Variants in COL22A1 observed in about 807,000 individuals in gnomAD.
The protein encoded by COL22A1 is collagen alpha-1(XXII) chain.
COL22A1 carries 221 observed loss-of-function variants against 248.9 expected under a neutral mutation model. The observed-to-expected ratio is 0.89, with a 90% confidence interval of 0.80 to 0.99. The LOEUF is 0.99. Among genes scored for constraint, COL22A1 ranks in the 50% least tolerant of loss-of-function variants. The pLI, the probability that COL22A1 is intolerant of heterozygous loss-of-function variation, is 0.00. For missense variants in COL22A1, 2,240 were observed against 2,179.0 expected (o/e 1.03, Z -0.56); for synonymous variants, 891 against 793.4 (o/e 1.12, Z -2.07).
chr8:138,691,350 C>T (rs939402182), intron 35 of COL22A1, among the ~76,000 whole-genome samples: 5 of 141,842 alleles, frequency 3.5e-5, no homozygotes, highest in African/African-American at 1.1e-4. Flanking sequence ...CGTGTGTGCA[C>T]GTTTGTGGAG....
At chr8:138,792,982 C>G (rs1376887011) in intron 12 of COL22A1, among the ~76,000 whole-genome samples, 1 of 152,214 alleles carries the variant, frequency 6.6e-6, no homozygotes, top group Admixed American at 6.5e-5. Context: ...ACAGCATTGC[C>G]TTCCCTGAAA....
rs1341473959 is a variant in COL22A1 at position 138,725,254 on chromosome 8, C to T, written c.2193+133G>A. The T allele has an allele frequency of 5.4e-6, 5 of 926,036 alleles. No individual in the cohort carries two copies. The Admixed American group carries it at 8.6e-5, about 16-fold the overall frequency. The allele number at this position is 926,036 out of a possible 1,614,324, so 57.4% of individuals were successfully genotyped here. On this transcript the variant is annotated intron_variant, in intron 24 of 64. Transcript: ENST00000303045. ...AGCTGGCGGTTCTACGTGTCGGGGT[C>T]CTCCTGTGTGTGTTTTTGCACTGGA...
intron 54 of COL22A1, 94 bp downstream of exon 54, chr8:138,616,820 C>T: frequency 7.0e-7 from 1 of 1,429,298 alleles, no homozygotes; most frequent in Non-Finnish European, 9.8e-7. Context: ...TCGGGTAAGG[C>T]ACTGCCATGG....
intron 3 of COL22A1, among the ~76,000 whole-genome samples, chr8:138,846,645 G>A (rs1297559414): frequency 6.6e-6 from 1 of 152,186 alleles, no homozygotes; most frequent in Admixed American, 6.5e-5. Flanking sequence ...GGGTCCACCT[G>A]CTTGGCAAGG....
intron 41 of COL22A1, among the ~76,000 whole-genome samples, chr8:138,671,715 G>T (rs1486487666): frequency 6.6e-6 from 1 of 152,218 alleles, no homozygotes; most frequent in Non-Finnish European, 1.5e-5. Context: ...ACAAGAAAAA[G>T]CTGAATGGCT....
intron 22 of COL22A1, among the ~76,000 whole-genome samples, chr8:138,740,391 C>G (rs562311481): frequency 6.6e-6 from 1 of 152,128 alleles, no homozygotes; most frequent in Non-Finnish European, 1.5e-5. Context: ...CCGTTGTGGT[C>G]GGGGGATGAA....
Position 138,751,438 on chromosome 8 carries a change from A to G in COL22A1, c.2085+20T>C, listed in dbSNP as rs748432803. The G allele has an allele frequency of 6.3e-7, 1 of 1,595,656 alleles. No homozygotes were observed. Among genetic ancestry groups the G allele is most frequent in the South Asian group, 1.1e-5 (1 of 89,234 alleles). On this transcript the variant is annotated intron_variant, in intron 22 of 64. Transcript: ENST00000303045. ...GTGTGGGTGAGCTGAGGAATCACAA[A>G]GAAAAGAGAGTTTACTTACTCGGAG...
chr8:138,845,132 A>G (rs1197560629), intron 3 of COL22A1, among the ~76,000 whole-genome samples: 3 of 152,212 alleles, frequency 2.0e-5, no homozygotes, highest in Non-Finnish European at 4.4e-5. Context: ...ACTCAGTTAT[A>G]CAAAAGCAAT....
At chr8:138,678,029 T>C (rs2130812977) in intron 40 of COL22A1, among the ~76,000 whole-genome samples, 1 of 152,384 alleles carries the variant, frequency 6.6e-6, no homozygotes, top group Non-Finnish European at 1.5e-5. Flanking sequence ...TAGGTTATTG[T>C]GCATTACAAA....
intron 10 of COL22A1, among the ~76,000 whole-genome samples, chr8:138,805,357 TG>T (rs1157057453): frequency 7.3e-6 from 1 of 137,568 alleles, no homozygotes; most frequent in Non-Finnish European, 1.6e-5. Flanking sequence ...GGATGTGTGA[TG>T]GTGTGCATGG....
At chr8:138,901,728 A>C (rs1270158652) in intron 1 of COL22A1, among the ~76,000 whole-genome samples, 1 of 151,898 alleles carries the variant, frequency 6.6e-6, no homozygotes, top group Non-Finnish European at 1.5e-5. Flanking sequence ...GATCGTTAAG[A>C]CTCATGGACA....
rs775385381 is a variant in COL22A1, at chr8:138,716,873, A to C, written c.2356-4T>G. ...GGCCCTGCTCCCCAATTTCTCCCTG[A>C]AAATGCAATAAAACATACCCCATTA... On this transcript the variant is annotated splice_region_variant and splice_polypyrimidine_tract_variant and intron_variant, in intron 27 of 64. Transcript: ENST00000303045. The C allele has an allele frequency of 4.4e-6, 7 of 1,607,284 alleles. No homozygotes were observed. The highest frequency in any genetic ancestry group is 6.0e-6 in the Non-Finnish European group (7 of 1,173,730).
At chr8:138,637,691 C>T (rs1268773423) in intron 47 of COL22A1, among the ~76,000 whole-genome samples, 1 of 152,156 alleles carries the variant, frequency 6.6e-6, no homozygotes, top group African/African-American at 2.4e-5. Context: ...AAAATAGTAT[C>T]TTTGTCATGG....
In COL22A1 at chr8:138,616,073, G is replaced by A; in HGVS notation, c.3871-19C>T. 2 of 1,605,546 alleles carry A rather than the reference G, an allele frequency of 1.2e-6. No homozygotes were observed. The highest frequency in any genetic ancestry group is 1.1e-5 in the South Asian group (1 of 90,910). ...ACTCTCCCTAGGAACAAAAAAGCCT[G>A]CTATTAGGGAAGGAGATGCTTCAGC... On this transcript the variant is annotated intron_variant, in intron 54 of 64. Transcript: ENST00000303045.
intron 45 of COL22A1, among the ~76,000 whole-genome samples, chr8:138,655,272 C>T (rs1179114440): frequency 2.0e-5 from 3 of 152,148 alleles, no homozygotes; most frequent in African/African-American, 7.2e-5. Context: ...TCTGCAGTGC[C>T]CAATAAGGCA....
At chr8:138,633,124 A>T (rs902165394) in intron 49 of COL22A1, among the ~76,000 whole-genome samples, 10 of 152,224 alleles carry the variant, frequency 6.6e-5, no homozygotes, top group Non-Finnish European at 1.3e-4. Flanking sequence ...CAAAACTAAA[A>T]CAATGCATAC....
chr8:138,610,789 C>A (rs146905451), intron 56 of COL22A1, among the ~76,000 whole-genome samples: 2,103 of 152,354 alleles, frequency 0.014, 19 homozygotes, highest in Non-Finnish European at 0.018. Context: ...TCCAGCCAAC[C>A]ATGGTGGCTT....
chr8:138,765,222 G>A (rs1481175952), intron 16 of COL22A1, among the ~76,000 whole-genome samples: 3 of 152,160 alleles, frequency 2.0e-5, no homozygotes, highest in Admixed American at 2.0e-4. Context: ...TTCGTCCTTG[G>A]TCTCTTTCTA....
chr8:138,770,303 G>A (rs556668380), intron 16 of COL22A1, among the ~76,000 whole-genome samples: 180 of 152,316 alleles, frequency 1.2e-3, no homozygotes, highest in South Asian at 5.8e-3. Flanking sequence ...TTTGTGTGTA[G>A]ACTCCTCTCT....
Sources: allele counts gnomAD v4.1 joint callset (sites outside exome capture counted in the v4.1 genomes callset), GRCh38; gene constraint gnomAD v4.1.1; transcripts MANE v1.5; gene names NCBI Gene and HGNC (gene_info 2026-07-23, HGNC 2026-07-21).